HERC1: variants seen among roughly 807,000 people sequenced by gnomAD.
The protein encoded by HERC1 is probable E3 ubiquitin-protein ligase HERC1.
A neutral mutation model predicts 554.3 loss-of-function variants in HERC1; 160 were observed. The observed-to-expected ratio is 0.29, with a 90% CI of 0.25 to 0.33. HERC1 has a LOEUF of 0.33. Among genes scored for constraint, HERC1 ranks in the 10% least tolerant of loss-of-function variants. The pLI is 1.00. For synonymous variants in HERC1, 2,175 were observed against 2,131.7 expected (o/e 1.02, Z -0.56); for missense variants, 4,919 against 5,918.5 (o/e 0.83, Z 5.54).
Position 63,727,537 on chromosome 15 carries a change from C to T in HERC1, c.3346+110G>A, listed in dbSNP as rs1490354337. 18 of 654,142 alleles carry T rather than the reference C, an allele frequency of 2.8e-5. No homozygotes were observed. Among genetic ancestry groups the T allele is most frequent in the Non-Finnish European group, 3.5e-5 (14 of 405,200 alleles). 40.5% of individuals were successfully genotyped at this position (654,142 alleles called of 1,614,324 possible). ...CTTTTAAGATTTCAGTGATGAAATT[C>T]CTTTGATAGCCTTAGGATAGATAGA... On this transcript the variant is annotated intron_variant, in intron 17 of 77. Transcript: ENST00000443617. This position sits in a 1 kb window ranked among gnomAD's most constrained non-coding sequence, Gnocchi z 4.3.
chr15:63,718,893 C>A lies in HERC1; in HGVS notation c.3747G>T (p.Trp1249Cys). The A allele has an allele frequency of 1.9e-6, 3 of 1,588,944 alleles. No individual in the cohort carries two copies. The highest frequency in any genetic ancestry group is 1.7e-5 in the Admixed American group (1 of 57,316). Reference sequence around the variant, plus strand: ...ACTCATTACTTAAAGTTGCACTGTCCCAATCTGAAAATAAAAATGATGCAT... The same window carrying A: ...ACTCATTACTTAAAGTTGCACTGTCACAATCTGAAAATAAAAATGATGCAT... ...SMQDYAVSKDWDSATLSNESL... is the reference protein window; with the variant it reads ...SMQDYAVSKDCDSATLSNESL... Residue 1249 changes from tryptophan to cysteine, a missense_variant, in exon 20 of 78, where the codon TGG (tryptophan) becomes TGT (cysteine). Physicochemically the swap from Trp to Cys is radical, Grantham distance 215 (BLOSUM62 -2). Around this residue, in one of 11 missense-constraint regions of HERC1, gnomAD observed 1,121 missense variants for 1,244.0 expected, o/e 0.90. Transcript: ENST00000443617. This position sits in a 1 kb window ranked among gnomAD's most constrained non-coding sequence, Gnocchi z 4.2.
At chr15:63,660,892 G>A (rs2070321847) in intron 46 of HERC1, 81 bp downstream of exon 46, 1 of 869,858 alleles carries the variant, frequency 1.1e-6, no homozygotes, top group Non-Finnish European at 1.9e-6. Flanking sequence ...CACACACGAA[G>A]GTGAATTTTA....
chr15:63,768,495 G>T (rs988700213), intron 2 of HERC1, among the ~76,000 whole-genome samples: 4 of 152,178 alleles, frequency 2.6e-5, no homozygotes, highest in Non-Finnish European at 5.9e-5. Context: ...ACAAATACTT[G>T]GTTGCAACCT....
Position 63,645,584 on chromosome 15 carries a change from G to A in HERC1, c.10977C>T (p.Cys3659=), listed in dbSNP as rs1432483776. ...GGCAGAGTGAATGTAGACAGCACCA[G>A]CATCCCGAAATAGAGCCCCAGAGTT... is the stretch of plus-strand genomic sequence containing the variant. The part of the protein sequence containing the change: ...SVKLWGSISG[C]WCCLHSLCHP... The change falls in exon 56 of 78, where the codon TGC becomes TGT. Residue 3659 remains cysteine, a synonymous_variant. Transcript: ENST00000443617. The A allele has an allele frequency of 1.2e-6, 2 of 1,613,180 alleles. No individual in the cohort carries two copies. The highest frequency in any genetic ancestry group is 1.7e-6 in the Non-Finnish European group (2 of 1,179,530).
chr15:63,817,983 G>T (rs2077553122), intron 1 of HERC1, among the ~76,000 whole-genome samples: 2 of 152,014 alleles, frequency 1.3e-5, no homozygotes. Flanking sequence ...AGGCACAAGT[G>T]AGTATTAATT....
chr15:63,788,543 TAATG>T (rs568324306), intron 1 of HERC1, among the ~76,000 whole-genome samples: 68 of 152,298 alleles, frequency 4.5e-4, no homozygotes, highest in African/African-American at 1.6e-3. Context: ...TAGCAAAACT[TAATG>T]AAGCACAAAA....
chr15:63,740,806 T>C (rs574024794), intron 12 of HERC1, among the ~76,000 whole-genome samples: 1 of 152,212 alleles, frequency 6.6e-6, no homozygotes, highest in African/African-American at 2.4e-5. Context: ...AAGAATTCTT[T>C]ATATATTCTA....
In HERC1 at chr15:63,648,346, T is replaced by C. The variant is rs368269544; in HGVS notation, c.10748-147A>G. The C allele has an allele frequency of 2.8e-5, 21 of 752,638 alleles. No individual in the cohort carries two copies. In the South Asian group the frequency reaches 4.2e-4, roughly 15 times the overall value. 46.6% of individuals were successfully genotyped at this position (752,638 alleles called of 1,614,324 possible). On this transcript the variant is annotated intron_variant, in intron 54 of 77. Transcript: ENST00000443617. ...CTCTTTAATGCATTTAGACAAAATG[T>C]AGGCGTACAGTGGGGATTCCATGTA...
chr15:63,699,031 A>T (rs746067253), intron 25 of HERC1, 35 bp from the exon 26 acceptor site: 2 of 1,550,506 alleles, frequency 1.3e-6, no homozygotes, highest in East Asian at 4.5e-5. Context: ...TATCAATGGC[A>T]ATCAAGTAGA....
chr15:63,808,501 G>A (rs2145161158), intron 1 of HERC1, among the ~76,000 whole-genome samples: 1 of 152,224 alleles, frequency 6.6e-6, no homozygotes, highest in African/African-American at 2.4e-5. Flanking sequence ...GCCAAGGCTG[G>A]TCTCAAACTC....
rs150641424 is a variant in HERC1, at chr15:63,766,573, C to T, written c.931-2382G>A. ...CAGCCTAGGTGACAGAATGAGACTC[C>T]GTCTCAAAATAAAAAACAGCACATT... On this transcript the variant is annotated intron_variant, in intron 2 of 77. Coordinates refer to ENST00000443617, the MANE Select transcript of HERC1 (RefSeq NM_003922.4). Among the ~76,000 whole-genome samples the T allele has an allele frequency of 3.9e-5, 6 of 152,308 alleles. No homozygotes were observed. In the East Asian group the frequency reaches 7.7e-4, roughly 20 times the overall value.
chr15:63,686,216 T>C (rs1595972561), intron 34 of HERC1, 143 bp downstream of exon 34: 5 of 583,108 alleles, frequency 8.6e-6, no homozygotes, highest in Non-Finnish European at 1.2e-5. Flanking sequence ...CTTCACTTGG[T>C]TTCCATTTAT....
At chr15:63,699,644 G>A (rs2072615129) in intron 25 of HERC1, among the ~76,000 whole-genome samples, 1 of 152,164 alleles carries the variant, frequency 6.6e-6, no homozygotes, top group South Asian at 2.1e-4. Context: ...AAGTTTCACA[G>A]ACAAGAATAT....
chr15:63,704,459 T>C (rs1025519926), intron 25 of HERC1, among the ~76,000 whole-genome samples: 22 of 152,182 alleles, frequency 1.4e-4, no homozygotes, highest in Admixed American at 3.3e-4. Flanking sequence ...ACTAATATAG[T>C]ATAAACTATA....
rs774786065 is a variant in HERC1 at position 63,625,971 on chromosome 15, C to A, written c.13275+14G>T. ...CCAGTCTGTGCCTGGCTGCTTACCA[C>A]GCCAGTCTGTTACCTGGTTGTTGGG... On this transcript the variant is annotated intron_variant, in intron 71 of 77. Transcript: ENST00000443617. 5.6e-6 allele frequency: 9 copies of A among 1,599,530 alleles called. No homozygotes were observed. The highest frequency in any genetic ancestry group is 1.1e-5 in the South Asian group (1 of 88,566).
At chr15:63,625,124 G>GCA (rs368571299) in intron 71 of HERC1, among the ~76,000 whole-genome samples, 6 of 151,404 alleles carry the variant, frequency 4.0e-5, no homozygotes, top group Admixed American at 2.0e-4. Context: ...TCTCACGCAT[G>GCA]CACACACACA....
intron 1 of HERC1, among the ~76,000 whole-genome samples, chr15:63,798,076 C>T (rs2076864841): frequency 6.6e-6 from 1 of 152,150 alleles, no homozygotes; most frequent in Non-Finnish European, 1.5e-5. Context: ...CCAGCCCCAC[C>T]CAACCTCACT....
chr15:63,713,005 T>C (rs1427824680), intron 23 of HERC1, 110 bp from the exon 24 acceptor site: 4 of 1,052,400 alleles, frequency 3.8e-6, no homozygotes, highest in East Asian at 5.2e-5. Flanking sequence ...GGAGGAGTAA[T>C]GTCAGTTGAC....
Position 63,652,656 on chromosome 15 carries a change from T to A in HERC1, c.10291-115A>T, listed in dbSNP as rs1019629157. The stretch of plus-strand genomic sequence containing the variant: ...CATGAAATTAAAAGAAAAGCATCCA[T>A]TCCTTTCTTTTCTTGAGATGAAGTC... On this transcript the variant is annotated intron_variant, in intron 51 of 77. Transcript: ENST00000443617. 9.5e-6 allele frequency: 8 copies of A among 840,942 alleles called. No homozygotes were observed. The Admixed American group carries it at 1.4e-4, about 14-fold the overall frequency. 52.1% of individuals were successfully genotyped at this position (840,942 alleles called of 1,614,324 possible).
Sources: allele counts gnomAD v4.1 joint callset (sites outside exome capture counted in the v4.1 genomes callset), GRCh38; gene constraint gnomAD v4.1.1; regional missense constraint gnomAD v4.1.1; non-coding constraint Gnocchi (gnomAD v3.1); transcripts MANE v1.5; gene names NCBI Gene and HGNC (gene_info 2026-07-23, HGNC 2026-07-21).